ZNF774: variants seen among roughly 807,000 people sequenced by gnomAD.
ZNF774 encodes zinc finger protein 774.
In ZNF774, 14 loss-of-function variants were observed where a neutral mutation model predicts 11.1. The ratio of observed to expected loss-of-function variants is 1.26; its 90% CI spans 0.83 to 1.97. The LOEUF (loss-of-function observed/expected upper bound fraction) is 1.97. Among genes scored for constraint, ZNF774 ranks in the 30% most tolerant of loss-of-function variants. The probability of loss-of-function intolerance (pLI) is 0.00; values close to 1 mark genes in which losing one functional copy is unlikely to be tolerated. For synonymous variants in ZNF774, 195 were observed against 212.6 expected (o/e 0.92, Z 0.72); for missense variants, 599 against 587.0 (o/e 1.02, Z -0.21).
intron 1 of ZNF774, among the ~76,000 whole-genome samples, chr15:90,354,436 T>C (rs932087606): frequency 1.3e-5 from 2 of 152,210 alleles, no homozygotes; most frequent in African/African-American, 4.8e-5. Context: ...AGGCCTCTCT[T>C]AGTAATGGGA....
Position 90,361,096 on chromosome 15 carries a change from A to G in ZNF774, c.1265A>G (p.Gln422Arg), listed in dbSNP as rs746596002. The G allele has an allele frequency of 6.2e-7, 1 of 1,614,182 alleles. No homozygotes were observed. The change falls in exon 4 of 4, where the codon CAG becomes CGG. Residue 422 changes from glutamine to arginine, a missense_variant. Transcript: ENST00000354377. ...CAGAGCTCCCACTTTATTACCCATC[A>G]GCGAATCCACTTAGGAGACAGGCCC... is the stretch of plus-strand genomic sequence containing the variant. ...FNQSSHFITH[Q>R]RIHLGDRPYR...
chr15:90,361,371 A>G lies in ZNF774; in HGVS notation c.*88A>G, dbSNP rs1029049475. ...CCCAAATAGAGAAAACCTGGGCGTC[A>G]GTGGCTCAATTTGGGCCCTGATCTA... On this transcript the variant is annotated 3_prime_UTR_variant, in exon 4 of 4. Transcript: ENST00000354377. 13 of 1,503,106 alleles carry G rather than the reference A, an allele frequency of 8.6e-6. No homozygotes were observed. The highest frequency in any genetic ancestry group is 1.1e-5 in the Non-Finnish European group (13 of 1,135,034). The allele number at this position is 1,503,106 out of a possible 1,614,324, so 93.1% of individuals were successfully genotyped here. A position where few individuals can be genotyped will look rare whatever the true frequency, so the allele number is the denominator to read the frequency against.
chr15:90,357,688 C>T (rs1023130856), intron 2 of ZNF774, among the ~76,000 whole-genome samples: 2 of 152,132 alleles, frequency 1.3e-5, no homozygotes, highest in Admixed American at 6.6e-5. Context: ...TCCCATGCCT[C>T]AGCCTCCCAA....
chr15:90,359,446 A>C (rs1465955800), intron 3 of ZNF774, among the ~76,000 whole-genome samples: 1 of 151,050 alleles, frequency 6.6e-6, no homozygotes, highest in Admixed American at 6.6e-5. Flanking sequence ...TAAGCATTTC[A>C]CTTTTGTCTA....
rs1332763415 is a variant in ZNF774 at position 90,361,446 on chromosome 15, G to C, written c.*163G>C. 1 of 1,425,370 alleles carries C rather than the reference G, an allele frequency of 7.0e-7. No homozygotes were observed. The highest frequency in any genetic ancestry group is 9.1e-7 in the Non-Finnish European group (1 of 1,094,696). The allele number at this position is 1,425,370 out of a possible 1,614,324, so 88.3% of individuals were successfully genotyped here. A position where few individuals can be genotyped will look rare whatever the true frequency, so the allele number is the denominator to read the frequency against. On this transcript the variant is annotated 3_prime_UTR_variant, in exon 4 of 4. Coordinates refer to ENST00000354377, the MANE Select transcript of ZNF774 (RefSeq NM_001004309.3). Reference sequence around the variant, plus strand: ...ATAACAGAGAGGATAAACTTAAAGGGTCCAAATAACGGTCCGAATACAAAA... The same window carrying C: ...ATAACAGAGAGGATAAACTTAAAGGCTCCAAATAACGGTCCGAATACAAAA...
Position 90,360,724 on chromosome 15 carries a change from A to C in ZNF774, c.893A>C (p.Glu298Ala). 6.2e-7 allele frequency: 1 copy of C among 1,614,198 alleles called. No individual in the cohort carries two copies. Among genetic ancestry groups the C allele is most frequent in the Non-Finnish European group, 8.5e-7 (1 of 1,180,024 alleles). Residue 298 changes from glutamate (E) to alanine (A), a missense_variant, in exon 4 of 4, where the codon GAG (glutamate) becomes GCG (alanine). Glu to Ala is a moderately radical substitution (Grantham distance 107). Coordinates refer to ENST00000354377, the MANE Select transcript of ZNF774 (RefSeq NM_001004309.3). Reference protein sequence around the residue: ...VKPYRCNDCGESFSQSSDLIK... With the variant: ...VKPYRCNDCGASFSQSSDLIK... ...CCTTACAGGTGTAATGACTGTGGGG[A>C]GAGTTTTAGCCAGAGCTCGGATTTG... is the stretch of plus-strand genomic sequence containing the variant.
chr15:90,354,773 G>A lies in ZNF774; in HGVS notation c.104+9G>A, dbSNP rs1964220921. ...GAATGGGCTCTCAAAGGGTAAGAATGCTACTCTCCTTTATTTCATTTATTT... is the reference window on the plus strand; with the variant it reads ...GAATGGGCTCTCAAAGGGTAAGAATACTACTCTCCTTTATTTCATTTATTT... On this transcript the variant is annotated intron_variant, in intron 2 of 3. Coordinates refer to ENST00000354377, the MANE Select transcript of ZNF774 (RefSeq NM_001004309.3). 1 of 1,591,060 alleles carries A rather than the reference G, an allele frequency of 6.3e-7. No individual in the cohort carries two copies. Among genetic ancestry groups the A allele is most frequent in the African/African-American group, 1.3e-5 (1 of 74,558 alleles).
chr15:90,355,758 C>T (rs1455028217), intron 2 of ZNF774, among the ~76,000 whole-genome samples: 10 of 145,450 alleles, frequency 6.9e-5, no homozygotes, highest in African/African-American at 2.6e-4. Flanking sequence ...AGGCTGGGCG[C>T]GGTGGCTCAT....
Position 90,360,411 on chromosome 15 carries a change from C to G in ZNF774, c.580C>G (p.Leu194Val), listed in dbSNP as rs1174854630. 3 of 1,613,396 alleles carry G rather than the reference C, an allele frequency of 1.9e-6. No homozygotes were observed. The South Asian group carries it at 3.3e-5, about 18-fold the overall frequency. ...GAAAGGCTTCAAACAGAGCTCAGACCTTGTCACCCATCGCAGAACACACAC... is the reference window on the plus strand; with the variant it reads ...GAAAGGCTTCAAACAGAGCTCAGACGTTGTCACCCATCGCAGAACACACAC... Reference protein sequence around the residue: ...CGKGFKQSSDLVTHRRTHTGE... With the variant: ...CGKGFKQSSDVVTHRRTHTGE... Residue 194 changes from leucine to valine, a missense_variant, in exon 4 of 4, where the codon CTT becomes GTT. Physicochemically the swap from Leu to Val is conservative, Grantham distance 32. Coordinates refer to ENST00000354377, the MANE Select transcript of ZNF774 (RefSeq NM_001004309.3).
rs1448761174 is a variant in ZNF774 at position 90,360,878 on chromosome 15, TC to T, written c.1049del (p.Pro350LeufsTer77). 3 of 1,613,652 alleles carry T rather than the reference TC, an allele frequency of 1.9e-6. No individual in the cohort carries two copies. In the African/African-American group the frequency reaches 4.0e-5, roughly 22 times the overall value. On this transcript the variant is annotated frameshift_variant, in exon 4 of 4. Transcript: ENST00000354377. LOFTEE classifies it low-confidence loss of function (END_TRUNC). ...ATTCAGGAGAGAGGCCTTTCAGTTG[TC>T]CTGACTGCCACAAAAGCTTCAGTCA... ...THSGERPFSC[P>X]DCHKSFSQSS...
In ZNF774 at chr15:90,358,839, A is replaced by C; in HGVS notation, c.105-12A>C. 1 of 1,610,010 alleles carries C rather than the reference A, an allele frequency of 6.2e-7. No individual in the cohort carries two copies. Among genetic ancestry groups the C allele is most frequent in the Non-Finnish European group, 8.5e-7 (1 of 1,177,060 alleles). Reference sequence around the variant, plus strand: ...GCTCAGACTCACATCCTATGTTTACATTCCTGTGTAGAATTTCCAGGCCTA... The same window carrying C: ...GCTCAGACTCACATCCTATGTTTACCTTCCTGTGTAGAATTTCCAGGCCTA... On this transcript the variant is annotated splice_polypyrimidine_tract_variant and intron_variant, in intron 2 of 3. Coordinates refer to ENST00000354377, the MANE Select transcript of ZNF774 (RefSeq NM_001004309.3).
chr15:90,360,709 G>A lies in ZNF774; in HGVS notation c.878G>A (p.Cys293Tyr), dbSNP rs991011538. ...CACACAGGGGTGAAGCCTTACAGGT[G>A]TAATGACTGTGGGGAGAGTTTTAGC... ...RTHTGVKPYR[C>Y]NDCGESFSQS... Residue 293 changes from cysteine to tyrosine, a missense_variant, in exon 4 of 4, where the codon TGT (cysteine) becomes TAT (tyrosine). Physicochemically the swap from Cys to Tyr is radical, Grantham distance 194. Transcript: ENST00000354377. 3 of 1,614,118 alleles carry A rather than the reference G, an allele frequency of 1.9e-6. No individual in the cohort carries two copies. The highest frequency in any genetic ancestry group is 2.7e-5 in the African/African-American group (2 of 74,928).
In ZNF774 at chr15:90,362,288, T is replaced by C; in HGVS notation, c.*1005T>C. ...GAGGCTGAAAGAATTTCAGAAGCTCTTTTAAATGGCAGTGTATGGCAGTGT... is the reference window on the plus strand; with the variant it reads ...GAGGCTGAAAGAATTTCAGAAGCTCCTTTAAATGGCAGTGTATGGCAGTGT... On this transcript the variant is annotated 3_prime_UTR_variant, in exon 4 of 4. Transcript: ENST00000354377. 2.5e-6 allele frequency: 1 copy of C among 404,696 alleles called. No homozygotes were observed. Among genetic ancestry groups the C allele is most frequent in the Non-Finnish European group, 4.5e-6 (1 of 222,660 alleles). The allele number at this position is 404,696 out of a possible 1,614,324, so 25.1% of individuals were successfully genotyped here.
chr15:90,360,339 C>G lies in ZNF774; in HGVS notation c.508C>G (p.Leu170Val), dbSNP rs748613265. ...CCAGAGTTCCTATCTCATAAGACAC[C>G]TAAGAACCCACACTGGCGAGAGGCC... ...FNQSSYLIRH[L>V]RTHTGERPYT... The change falls in exon 4 of 4, where the codon CTA becomes GTA. Residue 170 changes from leucine to valine, a missense_variant. Transcript: ENST00000354377. The G allele has an allele frequency of 6.2e-7, 1 of 1,614,192 alleles. No homozygotes were observed. The highest frequency in any genetic ancestry group is 2.2e-5 in the East Asian group (1 of 44,890).
intron 1 of ZNF774, among the ~76,000 whole-genome samples, chr15:90,352,726 C>T (rs2589970): frequency 0.15 from 22,532 of 151,638 alleles, 2,354 homozygotes; most frequent in East Asian, 0.47. Context: ...CCCACGCGTG[C>T]AGTCATGTTC....
rs1359600669 is a variant in ZNF774 at position 90,352,918 on chromosome 15, G to C, written c.-20+507G>C. 3.3e-5 allele frequency among the ~76,000 whole-genome samples: 5 copies of C among 152,154 alleles called. 1 individual carries two copies. In the East Asian group the frequency reaches 9.6e-4, roughly 29 times the overall value. Reference sequence around the variant, plus strand: ...TCAGTGGCGCTGTCTCCAGCAAGTGGGCCCTGCAGCTGTGTTTTGTAATGA... The same window carrying C: ...TCAGTGGCGCTGTCTCCAGCAAGTGCGCCCTGCAGCTGTGTTTTGTAATGA... On this transcript the variant is annotated intron_variant, in intron 1 of 3. Coordinates refer to ENST00000354377, the MANE Select transcript of ZNF774 (RefSeq NM_001004309.3).
At chr15:90,356,849 C>G (rs1449497725) in intron 2 of ZNF774, among the ~76,000 whole-genome samples, 1 of 152,016 alleles carries the variant, frequency 6.6e-6, no homozygotes, top group Non-Finnish European at 1.5e-5. Context: ...TAGCAATTGC[C>G]TGAGCTACTT....
In ZNF774 at chr15:90,361,146, A is replaced by G. The variant is rs2151683432; in HGVS notation, c.1315A>G (p.Thr439Ala). 1.2e-6 allele frequency: 2 copies of G among 1,614,180 alleles called. No individual in the cohort carries two copies. The highest frequency in any genetic ancestry group is 2.2e-5 in the East Asian group (1 of 44,872). ...CTATCGATGTCCTGAGTGTGGCAAG[A>G]CCTTCAATCAGCGTTCCCATTTCCT... ...RPYRCPECGK[T>A]FNQRSHFLTH... The change falls in exon 4 of 4, where the codon ACC becomes GCC. Residue 439 changes from threonine (T) to alanine (A), a missense_variant. Thr to Ala is a moderately conservative substitution (Grantham distance 58). Coordinates refer to ENST00000354377, the MANE Select transcript of ZNF774 (RefSeq NM_001004309.3).
intron 2 of ZNF774, among the ~76,000 whole-genome samples, chr15:90,357,651 A>G (rs1399341932): frequency 6.6e-6 from 1 of 152,164 alleles, no homozygotes; most frequent in Non-Finnish European, 1.5e-5. Flanking sequence ...AGCTCACTGC[A>G]ACGTCCGCCT....
Sources: gnomAD v4.1 joint callset for allele counts (sites outside exome capture counted in the v4.1 genomes callset) on GRCh38, gnomAD v4.1.1 for gene constraint, MANE v1.5 for transcripts, NCBI Gene and HGNC (gene_info 2026-07-23, HGNC 2026-07-21) for gene names.